Variants in CABLES1 observed in about 807,000 individuals in gnomAD.
CABLES1 encodes Cdk5 and Abl enzyme substrate 1, also known as CDK5 and ABL1 enzyme substrate 1.
A neutral mutation model predicts 57.8 loss-of-function variants in CABLES1; 36 were observed. The ratio of observed to expected loss-of-function variants is 0.62; its 90% CI spans 0.48 to 0.82. The LOEUF (loss-of-function observed/expected upper bound fraction) is 0.82, where lower values mean the gene tolerates loss of function less well. Ranked by LOEUF, CABLES1 falls within the 40% of genes least tolerant of loss-of-function variation. The probability of loss-of-function intolerance (pLI) is 0.00; values close to 1 mark genes in which losing one functional copy is unlikely to be tolerated. For missense variants in CABLES1, 767 were observed against 836.6 expected (o/e 0.92, Z 1.03); for synonymous variants, 374 against 363.0 (o/e 1.03, Z -0.35).
chr18:23,219,052 C>A (rs71360513), intron 4 of CABLES1: 2 of 387,950 alleles, frequency 5.2e-6, no homozygotes, highest in Non-Finnish European at 1.0e-5. Flanking sequence ...TCCCCACCCC[C>A]CCGCAAGTGC....
At chr18:23,254,062 G>A (rs2048105406) in intron 9 of CABLES1, 126 bp downstream of exon 9, 1 of 746,022 alleles carries the variant, frequency 1.3e-6, no homozygotes, top group South Asian at 1.7e-5. Context: ...TTGAGGTGAA[G>A]GCTATGAAGT....
chr18:23,162,881 C>T (rs1194304642), intron 1 of CABLES1, among the ~76,000 whole-genome samples: 2 of 152,104 alleles, frequency 1.3e-5, no homozygotes, highest in Non-Finnish European at 2.9e-5. Context: ...TGGACTTCAT[C>T]CAAGGGTTTG....
intron 4 of CABLES1, among the ~76,000 whole-genome samples, chr18:23,223,229 C>CA (rs1274995083): frequency 6.6e-6 from 1 of 152,150 alleles, no homozygotes; most frequent in African/African-American, 2.4e-5. Context: ...ACATGTAAGT[C>CA]ACACAGCCCC....
intron 7 of CABLES1, among the ~76,000 whole-genome samples, chr18:23,246,402 T>A (rs1340677370): frequency 6.6e-6 from 1 of 152,154 alleles, no homozygotes; most frequent in East Asian, 1.9e-4. Flanking sequence ...TTTTTTGGTT[T>A]TTTTTTTGAG....
rs1198114145 is a variant in CABLES1 at position 23,145,364 on chromosome 18, A to G, written c.845+8757A>G. Among the ~76,000 whole-genome samples, 3 of 152,070 alleles carry G rather than the reference A, an allele frequency of 2.0e-5. No individual in the cohort carries two copies. In the East Asian group the frequency reaches 5.8e-4, roughly 29 times the overall value. On this transcript the variant is annotated intron_variant, in intron 1 of 9. Transcript: ENST00000256925. Reference sequence around the variant, plus strand: ...CGTCTCGGCCTCCCAAAGTGCTGGGATTACAGGTGTGAGCCACTGTGCCTG... The same window carrying G: ...CGTCTCGGCCTCCCAAAGTGCTGGGGTTACAGGTGTGAGCCACTGTGCCTG...
At chr18:23,224,561 CTTTTTTTTTTTTT>C (rs777471596) in intron 4 of CABLES1, among the ~76,000 whole-genome samples, 69 of 89,684 alleles carry the variant, frequency 7.7e-4, no homozygotes, top group Middle Eastern at 7.7e-3. Context: ...AGTCACAGAG[CTTTTTTTTTTTTT>C]TTTTTTTTTT....
intron 4 of CABLES1, 73 bp downstream of exon 4, chr18:23,214,127 T>G: frequency 4.9e-6 from 5 of 1,029,634 alleles, no homozygotes; most frequent in Non-Finnish European, 7.4e-6. Flanking sequence ...AATGTGGCCA[T>G]CCTTTCCATT....
chr18:23,143,691 A>G (rs1649321381), intron 1 of CABLES1, among the ~76,000 whole-genome samples: 1 of 152,020 alleles, frequency 6.6e-6, no homozygotes, highest in African/African-American at 2.4e-5. Flanking sequence ...ACCCTAGCCC[A>G]GTGCTCTGTG....
At chr18:23,175,547 C>T (rs1488381458) in intron 1 of CABLES1, among the ~76,000 whole-genome samples, 14 of 152,136 alleles carry the variant, frequency 9.2e-5, no homozygotes, top group Admixed American at 7.2e-4. Flanking sequence ...GGTGCAAATA[C>T]AGCTCACTGC....
In CABLES1 at chr18:23,168,806, G is replaced by T. The variant is rs555606402; in HGVS notation, c.846-20032G>T. 2.0e-5 allele frequency among the ~76,000 whole-genome samples: 3 copies of T among 152,262 alleles called. No individual in the cohort carries two copies. In the South Asian group the frequency reaches 6.2e-4, roughly 32 times the overall value. The stretch of plus-strand genomic sequence containing the variant: ...ATGAGGCCCTGGGTGCTGGAGAAGA[G>T]CAATCAGACCTGTGTGAGTGCCCAT... On this transcript the variant is annotated intron_variant, in intron 1 of 9. Coordinates refer to ENST00000256925, the MANE Select transcript of CABLES1 (RefSeq NM_001100619.3).
At chr18:23,236,123 T>TCTCC in intron 6 of CABLES1, 72 bp downstream of exon 6, 1 of 1,526,918 alleles carries the variant, frequency 6.5e-7, no homozygotes, top group Non-Finnish European at 8.9e-7. Flanking sequence ...GGGGATTGAG[T>TCTCC]CTCCCTGTGA....
At chr18:23,146,878 A>AGATT (rs1278427603) in intron 1 of CABLES1, among the ~76,000 whole-genome samples, 11 of 152,328 alleles carry the variant, frequency 7.2e-5, no homozygotes, top group African/African-American at 2.4e-4. Flanking sequence ...TCAACTAAGT[A>AGATT]CTGTAGAATT....
At chr18:23,175,505 G>C (rs748747149) in intron 1 of CABLES1, among the ~76,000 whole-genome samples, 2 of 151,852 alleles carry the variant, frequency 1.3e-5, no homozygotes, top group Non-Finnish European at 2.9e-5. Flanking sequence ...TTTGCATTGC[G>C]TCTTACTTTG....
intron 7 of CABLES1, among the ~76,000 whole-genome samples, chr18:23,244,087 A>G (rs1477292738): frequency 1.3e-5 from 2 of 152,162 alleles, no homozygotes; most frequent in African/African-American, 4.8e-5. Flanking sequence ...CGTTCCACGC[A>G]GTTTGGCTCA....
intron 4 of CABLES1, among the ~76,000 whole-genome samples, chr18:23,223,967 A>G (rs1394299880): frequency 6.6e-6 from 1 of 151,782 alleles, no homozygotes; most frequent in African/African-American, 2.4e-5. Flanking sequence ...GGTGGCCCTG[A>G]GCTAATTCAT....
intron 1 of CABLES1, among the ~76,000 whole-genome samples, chr18:23,142,824 G>T (rs557184867): frequency 9.2e-5 from 14 of 152,280 alleles, no homozygotes; most frequent in Middle Eastern, 3.4e-3. Flanking sequence ...GGGGTGCAGG[G>T]ACGTTTCACA....
chr18:23,215,942 G>C (rs754140264), intron 4 of CABLES1, among the ~76,000 whole-genome samples: 15 of 152,060 alleles, frequency 9.9e-5, no homozygotes, highest in Non-Finnish European at 1.9e-4. Context: ...TTTTAGTAGA[G>C]ACGGGGTTTC....
intron 9 of CABLES1, among the ~76,000 whole-genome samples, chr18:23,254,735 C>G (rs1488093550): frequency 1.3e-5 from 2 of 152,190 alleles, no homozygotes; most frequent in African/African-American, 4.8e-5. Context: ...AGACAAAAAG[C>G]AAGCACTCTG....
In CABLES1 at chr18:23,259,037, C is replaced by G. The variant is rs1858298083; in HGVS notation, c.*1670C>G. 1 of 151,906 alleles carries G rather than the reference C, an allele frequency of 6.6e-6. No individual in the cohort carries two copies. Among genetic ancestry groups the G allele is most frequent in the African/African-American group, 2.4e-5 (1 of 41,306 alleles). The allele number at this position is 151,906 out of a possible 1,614,324, so 9.4% of individuals were successfully genotyped here. On this transcript the variant is annotated 3_prime_UTR_variant, in exon 10 of 10. Transcript: ENST00000256925. The stretch of plus-strand genomic sequence containing the variant: ...AGGGAGAGGATATGATTAATGTGGT[C>G]TCTTTGGCTGATCGAAAGCTAGATC...
Sources: gnomAD v4.1 joint callset for allele counts (sites outside exome capture counted in the v4.1 genomes callset) on GRCh38, gnomAD v4.1.1 for gene constraint, MANE v1.5 for transcripts, NCBI Gene and HGNC (gene_info 2026-07-23, HGNC 2026-07-21) for gene names.